TMPRSS15: variants seen among roughly 807,000 people sequenced by gnomAD.
The protein encoded by TMPRSS15 is enteropeptidase.
Under a neutral mutation model 125.3 loss-of-function variants are expected in TMPRSS15, and 128 were observed. That is an observed-to-expected ratio of 1.02 (90% CI 0.89 to 1.18). The LOEUF (loss-of-function observed/expected upper bound fraction) is 1.18, where lower values mean the gene tolerates loss of function less well. Among genes scored for constraint, TMPRSS15 ranks in the 50% most tolerant of loss-of-function variants. The probability of loss-of-function intolerance (pLI) is 0.00; values close to 1 mark genes in which losing one functional copy is unlikely to be tolerated. For missense variants in TMPRSS15, 1,283 were observed against 1,212.7 expected (o/e 1.06, Z -0.86); for synonymous variants, 446 against 423.2 (o/e 1.05, Z -0.66).
At chr21:18,373,418 A>G (rs987807411) in intron 5 of TMPRSS15, among the ~76,000 whole-genome samples, 4 of 152,124 alleles carry the variant, frequency 2.6e-5, no homozygotes, top group Non-Finnish European at 2.9e-5. Flanking sequence ...TTCTCAAATG[A>G]TAGAGTACTC....
intron 23 of TMPRSS15, among the ~76,000 whole-genome samples, chr21:18,276,395 A>C (rs942434713): frequency 6.6e-6 from 1 of 152,232 alleles, no homozygotes; most frequent in Non-Finnish European, 1.5e-5. Context: ...TGGAGTAAAC[A>C]TTACTAGATA....
At position 18,269,357 on chromosome 21, in the gene TMPRSS15, T is replaced by TTTAA. The variant is rs2074526184; in HGVS notation, c.*608_*611dup. 1 of 152,262 alleles carries TTTAA rather than the reference T, an allele frequency of 6.6e-6. No homozygotes were observed. Among genetic ancestry groups the TTTAA allele is most frequent in the Non-Finnish European group, 1.5e-5 (1 of 68,086 alleles). The allele number at this position is 152,262 out of a possible 1,614,324, so 9.4% of individuals were successfully genotyped here. A position where few individuals can be genotyped will look rare whatever the true frequency, so the allele number is the denominator to read the frequency against. ...ACTATATCAGTTAATTTATCTTTTA[T>TTTAA]TTAATTAACTTATTTAAGAGGAACG... On this transcript the variant is annotated 3_prime_UTR_variant, in exon 25 of 25. Coordinates refer to ENST00000284885, the MANE Select transcript of TMPRSS15 (RefSeq NM_002772.3).
At chr21:18,277,482 G>A (rs990855465) in intron 23 of TMPRSS15, among the ~76,000 whole-genome samples, 1 of 152,090 alleles carries the variant, frequency 6.6e-6, no homozygotes, top group African/African-American at 2.4e-5. Flanking sequence ...TAAATTTGAA[G>A]TTTAATAAAT....
intron 12 of TMPRSS15, among the ~76,000 whole-genome samples, chr21:18,342,729 G>A (rs904803034): frequency 6.6e-6 from 1 of 152,160 alleles, no homozygotes; most frequent in Non-Finnish European, 1.5e-5. Flanking sequence ...GAAAAAGGAA[G>A]AGAAGGAAAG....
intron 1 of TMPRSS15, among the ~76,000 whole-genome samples, chr21:18,429,090 T>A (rs1169166538): frequency 6.6e-6 from 1 of 152,142 alleles, no homozygotes; most frequent in Admixed American, 6.5e-5. Flanking sequence ...TCAAAGGAGA[T>A]CATTTTGGAG....
At chr21:18,394,146 C>G (rs939916879) in intron 3 of TMPRSS15, among the ~76,000 whole-genome samples, 2 of 152,148 alleles carry the variant, frequency 1.3e-5, no homozygotes, top group African/African-American at 4.8e-5. Context: ...TGATTCTACC[C>G]TCCCCTTGTG....
intron 1 of TMPRSS15, among the ~76,000 whole-genome samples, chr21:18,436,109 G>A (rs535202181): frequency 1.1e-4 from 17 of 150,996 alleles, no homozygotes; most frequent in Non-Finnish European, 4.4e-5. Context: ...TTTTTTGAAG[G>A]GTTTTTTGTG....
chr21:18,362,344 A>G (rs2075686190), intron 7 of TMPRSS15, among the ~76,000 whole-genome samples: 1 of 152,158 alleles, frequency 6.6e-6, no homozygotes, highest in Non-Finnish European at 1.5e-5. Flanking sequence ...GGGCAAGAAT[A>G]TGGTGAGTGT....
intron 1 of TMPRSS15, among the ~76,000 whole-genome samples, chr21:18,434,331 CATAA>C (rs1481830025): frequency 2.6e-5 from 4 of 152,096 alleles, no homozygotes; most frequent in Admixed American, 1.3e-4. Context: ...TATAAACATG[CATAA>C]ATATTTTTAT....
chr21:18,481,517 G>A (rs1026311509), intron 1 of TMPRSS15, among the ~76,000 whole-genome samples: 4 of 151,668 alleles, frequency 2.6e-5, no homozygotes, highest in Admixed American at 1.3e-4. Context: ...CTTGATGTCA[G>A]GGGCACGGGG....
At chr21:18,369,209 C>T (rs145392396) in intron 6 of TMPRSS15, among the ~76,000 whole-genome samples, 2 of 152,228 alleles carry the variant, frequency 1.3e-5, no homozygotes, top group East Asian at 1.9e-4. Context: ...CACTTAGGAC[C>T]CACGAAGAAC....
intron 13 of TMPRSS15, among the ~76,000 whole-genome samples, chr21:18,335,076 C>T (rs2075379262): frequency 6.6e-6 from 1 of 152,188 alleles, no homozygotes; most frequent in Admixed American, 6.5e-5. Context: ...GGGTCTACCA[C>T]AATCCTATAA....
chr21:18,424,916 T>C lies in TMPRSS15; in HGVS notation c.11-26587A>G, dbSNP rs140649600. On this transcript the variant is annotated intron_variant, in intron 1 of 7. Coordinates refer to the TMPRSS15 transcript ENST00000422787. Reference sequence around the variant, plus strand: ...CATATATATTAATTCATATATATTATATTATATATGAATATTATATATTCA... The same window carrying C: ...CATATATATTAATTCATATATATTACATTATATATGAATATTATATATTCA... 1.9e-3 allele frequency among the ~76,000 whole-genome samples: 284 copies of C among 148,768 alleles called. 3 individuals carry two copies. The highest frequency in any genetic ancestry group is 6.7e-3 in the African/African-American group (273 of 40,968).
rs8134187 is a variant in TMPRSS15, at chr21:18,332,105, T to G, written c.1633A>C (p.Ser545Arg). 6.2e-7 allele frequency: 1 copy of G among 1,613,970 alleles called. No individual in the cohort carries two copies. The highest frequency in any genetic ancestry group is 1.3e-5 in the African/African-American group (1 of 74,972). ...TTFSSTNFPN[S>R]YPNLAFCVWI... ...TCACAGAAAGCCAGATTAGGGTAGC[T>G]GTTTGGAAAGTTCGTAGAACTGAAT... Residue 545 changes from serine (S) to arginine (R), a missense_variant, in exon 14 of 25, where the codon AGC becomes CGC. By Grantham distance (110) the Ser-to-Arg change is moderately radical. Coordinates refer to ENST00000284885, the MANE Select transcript of TMPRSS15 (RefSeq NM_002772.3).
intron 18 of TMPRSS15, among the ~76,000 whole-genome samples, chr21:18,307,712 T>C (rs1332470923): frequency 3.3e-5 from 5 of 152,188 alleles, no homozygotes; most frequent in Non-Finnish European, 7.4e-5. Context: ...AAGATGTATG[T>C]TTCCTTCCAA....
chr21:18,379,941 A>C (rs778312636), intron 4 of TMPRSS15, among the ~76,000 whole-genome samples: 6 of 152,138 alleles, frequency 3.9e-5, no homozygotes, highest in Non-Finnish European at 7.4e-5. Flanking sequence ...TTACTATACC[A>C]AAAGTAATAT....
intron 1 of TMPRSS15, among the ~76,000 whole-genome samples, chr21:18,410,544 T>C (rs2123167881): frequency 6.6e-6 from 1 of 152,076 alleles, no homozygotes; most frequent in Admixed American, 6.6e-5. Context: ...AGAACTTTTT[T>C]GAGTTTCTTT....
At chr21:18,319,264 T>C (rs1031448738) in intron 16 of TMPRSS15, among the ~76,000 whole-genome samples, 2 of 152,088 alleles carry the variant, frequency 1.3e-5, no homozygotes, top group African/African-American at 2.4e-5. Flanking sequence ...TCTTTGTCAA[T>C]AGGAGTAAAT....
chr21:18,465,396 A>G (rs2122911449), intron 1 of TMPRSS15, among the ~76,000 whole-genome samples: 12,439 of 152,192 alleles, frequency 0.082, 1,434 homozygotes, highest in African/African-American at 0.26. Flanking sequence ...ACACAGTGTT[A>G]GAAGTTCTTG....
Sources: gnomAD v4.1 joint callset for allele counts (sites outside exome capture counted in the v4.1 genomes callset) on GRCh38, gnomAD v4.1.1 for gene constraint, MANE v1.5 for transcripts, NCBI Gene and HGNC (gene_info 2026-07-23, HGNC 2026-07-21) for gene names.